The following LRRC4C variants were observed in gnomAD, a reference collection of about 807,000 sequenced individuals.
LRRC4C encodes leucine rich repeat containing 4C.
Under a neutral mutation model 33.6 loss-of-function variants are expected in LRRC4C, and 5 were observed. That is an observed-to-expected ratio of 0.15 (90% CI 0.08 to 0.31). The LOEUF (loss-of-function observed/expected upper bound fraction) is 0.31, where lower values mean the gene tolerates loss of function less well. LRRC4C is among the 10% of genes least tolerant of loss of function. The probability of loss-of-function intolerance (pLI) is 1.00; values close to 1 mark genes in which losing one functional copy is unlikely to be tolerated. For synonymous variants in LRRC4C, 329 were observed against 302.0 expected, an observed-to-expected ratio of 1.09 and a Z score of -0.93; for missense variants, 560 against 796.7, an observed-to-expected ratio of 0.70 and a Z score of 3.58.
chr11:41,090,483 A>T (rs1015511693), intron 1 of LRRC4C, among the ~76,000 whole-genome samples: 4 of 152,168 alleles, frequency 2.6e-5, no homozygotes, highest in African/African-American at 7.2e-5. Flanking sequence ...GATATTTTTC[A>T]TCAATAATTA....
At chr11:40,597,169 A>G (rs1362323493) in intron 3 of LRRC4C, among the ~76,000 whole-genome samples, 3 of 152,190 alleles carry the variant, frequency 2.0e-5, no homozygotes, top group African/African-American at 7.2e-5. Flanking sequence ...GACTATTAAA[A>G]GGGTAAATAG....
At chr11:40,367,478 C>G (rs1346184446) in intron 3 of LRRC4C, among the ~76,000 whole-genome samples, 1 of 152,026 alleles carries the variant, frequency 6.6e-6, no homozygotes, top group Admixed American at 6.6e-5. Context: ...ACTGTCATCA[C>G]TTTTTTCTGT....
intron 1 of LRRC4C, among the ~76,000 whole-genome samples, chr11:41,435,032 G>GC (rs1221451956): frequency 6.6e-6 from 1 of 152,102 alleles, no homozygotes; most frequent in Non-Finnish European, 1.5e-5. Flanking sequence ...AAAGAGAATG[G>GC]CCCCATTTGT....
chr11:41,305,011 T>C (rs1191304260), intron 1 of LRRC4C, among the ~76,000 whole-genome samples: 3 of 63,944 alleles, frequency 4.7e-5, no homozygotes, highest in African/African-American at 5.8e-5. Context: ...GAGGAGCCCC[T>C]CTGCCCGGCC....
chr11:40,796,380 G>T (rs576085256), intron 2 of LRRC4C, among the ~76,000 whole-genome samples: 13 of 152,138 alleles, frequency 8.5e-5, no homozygotes, highest in Admixed American at 2.0e-4. Flanking sequence ...CTAAGGACAG[G>T]CTTGTAGTAA....
At chr11:40,201,018 CG>C (rs1399233902) in intron 5 of LRRC4C, among the ~76,000 whole-genome samples, 1 of 152,022 alleles carries the variant, frequency 6.6e-6, no homozygotes, top group Non-Finnish European at 1.5e-5. Flanking sequence ...TAAGTTGAAG[CG>C]GAATGTAGTG....
At chr11:41,359,791 A>C (rs959285670) in intron 1 of LRRC4C, among the ~76,000 whole-genome samples, 2 of 152,198 alleles carry the variant, frequency 1.3e-5, no homozygotes, top group African/African-American at 4.8e-5. Context: ...ATTCAAACTC[A>C]GGCTTTGCAA....
intron 5 of LRRC4C, among the ~76,000 whole-genome samples, chr11:40,219,997 T>C (rs538116392): frequency 5.3e-5 from 8 of 152,336 alleles, no homozygotes; most frequent in Admixed American, 2.6e-4. Context: ...TAACATCATG[T>C]ATAACCTAAG....
rs537278820 is a variant in LRRC4C, at chr11:41,413,729, C to T, written c.-496+45702G>A. Among the ~76,000 whole-genome samples, 879 of 152,196 alleles carry T rather than the reference C, an allele frequency of 5.8e-3. 7 individuals are homozygous for T. Among genetic ancestry groups the T allele is most frequent in the African/African-American group, 0.02 (848 of 41,536 alleles). On this transcript the variant is annotated intron_variant, in intron 1 of 6. Transcript: ENST00000528697. ...ATGGCATAAAAGTAAGGCACAATTG[C>T]CCCTGAAATTTGTGAAAAAGTCAAA... is the stretch of plus-strand genomic sequence containing the variant.
intron 5 of LRRC4C, among the ~76,000 whole-genome samples, chr11:40,191,094 C>G (rs188797882): frequency 1.3e-5 from 2 of 152,160 alleles, no homozygotes; most frequent in African/African-American, 4.8e-5. Flanking sequence ...CACAACACAT[C>G]AATCAACCCA....
chr11:40,446,531 T>G (rs1951642863), intron 3 of LRRC4C: 1 of 152,210 alleles, frequency 6.6e-6, no homozygotes, highest in Non-Finnish European at 1.5e-5. Context: ...TGGCTCCTCT[T>G]AATTAGGTCA....
chr11:41,197,729 T>C (rs1276033683), intron 1 of LRRC4C, among the ~76,000 whole-genome samples: 2 of 152,006 alleles, frequency 1.3e-5, no homozygotes, highest in Admixed American at 6.6e-5. Context: ...GTTACTTCTC[T>C]CAAGATTTAT....
chr11:40,916,000 C>T (rs1592083430), intron 2 of LRRC4C, among the ~76,000 whole-genome samples: 1 of 152,138 alleles, frequency 6.6e-6, no homozygotes, highest in Admixed American at 6.5e-5. Flanking sequence ...CAATGAGATA[C>T]CAGCTCATAC....
chr11:40,658,695 G>T (rs904896528), intron 2 of LRRC4C, among the ~76,000 whole-genome samples: 7 of 152,168 alleles, frequency 4.6e-5, no homozygotes, highest in African/African-American at 1.7e-4. Flanking sequence ...AAACTGGTTG[G>T]TATCAGATGT....
intron 3 of LRRC4C, among the ~76,000 whole-genome samples, chr11:40,528,375 C>G (rs1269816521): frequency 6.6e-6 from 1 of 151,656 alleles, no homozygotes; most frequent in African/African-American, 2.4e-5. Context: ...ATATAAATGG[C>G]CAATAAGTAT....
At chr11:40,396,740 A>G (rs1949556835) in intron 3 of LRRC4C, among the ~76,000 whole-genome samples, 1 of 152,146 alleles carries the variant, frequency 6.6e-6, no homozygotes, top group Non-Finnish European at 1.5e-5. Flanking sequence ...GGTCCAACAT[A>G]ATTTTGTTAG....
intron 2 of LRRC4C, among the ~76,000 whole-genome samples, chr11:40,771,502 C>T (rs1036000570): frequency 1.5e-4 from 23 of 152,198 alleles, no homozygotes; most frequent in Non-Finnish European, 4.4e-5. Context: ...CAGTGATTAA[C>T]ATTCGGCTCC....
chr11:40,609,317 G>A (rs578073337), intron 3 of LRRC4C, among the ~76,000 whole-genome samples: 3 of 151,868 alleles, frequency 2.0e-5, no homozygotes, highest in Non-Finnish European at 4.4e-5. Context: ...TCCTAAATAA[G>A]CAATGGGTCA....
At chr11:41,202,761 G>C (rs985542613) in intron 1 of LRRC4C, among the ~76,000 whole-genome samples, 1 of 151,012 alleles carries the variant, frequency 6.6e-6, no homozygotes, top group African/African-American at 2.4e-5. Flanking sequence ...AATAAACTAG[G>C]TCTCTCAGAG....
Sources: allele counts gnomAD v4.1 joint callset (sites outside exome capture counted in the v4.1 genomes callset), GRCh38; gene constraint gnomAD v4.1.1; transcripts MANE v1.5; gene names NCBI Gene and HGNC (gene_info 2026-07-23, HGNC 2026-07-21).